Variants in B3GALT1 observed in about 807,000 individuals in gnomAD.
B3GALT1 encodes beta-1,3-galactosyltransferase 1, also known as UDP-Gal:betaGlcNAc beta 1,3-galactosyltransferase, polypeptide 1.
A neutral mutation model predicts 23.2 loss-of-function variants in B3GALT1; 10 were observed. That is an observed-to-expected ratio of 0.43 (90% CI 0.27 to 0.73). The LOEUF is 0.73. B3GALT1 is among the 30% of genes least tolerant of loss of function. B3GALT1 has a pLI of 0.21. For synonymous variants in B3GALT1, 156 were observed against 141.5 expected (o/e 1.10, Z -0.73); for missense variants, 299 against 405.4 (o/e 0.74, Z 2.25).
intron 2 of B3GALT1, among the ~76,000 whole-genome samples, chr2:167,508,871 A>G (rs1363294922): frequency 6.6e-6 from 1 of 152,226 alleles, no homozygotes; most frequent in African/African-American, 2.4e-5. Context: ...AAGGTACATG[A>G]CAAATTGAAG....
intron 2 of B3GALT1, among the ~76,000 whole-genome samples, chr2:167,606,978 G>A (rs540670417): frequency 1.1e-4 from 17 of 152,156 alleles, no homozygotes; most frequent in Non-Finnish European, 2.5e-4. Flanking sequence ...TGAAGGCATG[G>A]AGGTGGAGCA....
At chr2:167,521,361 A>G (rs1308482898) in intron 2 of B3GALT1, among the ~76,000 whole-genome samples, 1 of 152,158 alleles carries the variant, frequency 6.6e-6, no homozygotes, top group African/African-American at 2.4e-5. Context: ...TCCCTTTTAC[A>G]GGCAAAACTG....
At chr2:167,314,146 A>G (rs143543223) in intron 1 of B3GALT1, among the ~76,000 whole-genome samples, 6 of 152,248 alleles carry the variant, frequency 3.9e-5, no homozygotes, top group African/African-American at 1.4e-4. Flanking sequence ...ACTCATGTAT[A>G]TATAAATGCT....
intron 2 of B3GALT1, among the ~76,000 whole-genome samples, chr2:167,623,556 A>G (rs1685296208): frequency 6.6e-6 from 1 of 152,026 alleles, no homozygotes; most frequent in Admixed American, 6.6e-5. Flanking sequence ...GAACAATGAG[A>G]ACACATGGGC....
chr2:167,510,412 T>G (rs73972281), intron 2 of B3GALT1, among the ~76,000 whole-genome samples: 19,774 of 145,500 alleles, frequency 0.14, 1,422 homozygotes, highest in East Asian at 0.34. Context: ...GTTTTGTTTT[T>G]TTTTTTTTTT....
At chr2:167,703,480 G>C (rs1686912595) in intron 3 of B3GALT1, among the ~76,000 whole-genome samples, 1 of 130,916 alleles carries the variant, frequency 7.6e-6, no homozygotes, top group South Asian at 2.8e-4. Flanking sequence ...CTCTTTAACA[G>C]TTGGTACTGA....
intron 2 of B3GALT1, among the ~76,000 whole-genome samples, chr2:167,494,699 C>T (rs145964086): frequency 2.0e-5 from 3 of 152,142 alleles, no homozygotes; most frequent in South Asian, 2.1e-4. Flanking sequence ...TTTAGTCATA[C>T]GTTTTTAATT....
chr2:167,330,359 C>T (rs1696954300), intron 1 of B3GALT1, among the ~76,000 whole-genome samples: 1 of 152,138 alleles, frequency 6.6e-6, no homozygotes, highest in South Asian at 2.1e-4. Context: ...TTAATCTCAA[C>T]ACTTTGGGAG....
intron 1 of B3GALT1, among the ~76,000 whole-genome samples, chr2:167,406,665 A>G (rs2105292365): frequency 6.6e-6 from 1 of 152,302 alleles, no homozygotes; most frequent in South Asian, 2.1e-4. Context: ...GAAGGAAGAA[A>G]TATCCCTGCG....
intron 2 of B3GALT1, among the ~76,000 whole-genome samples, chr2:167,588,749 T>C (rs867211356): frequency 6.6e-6 from 1 of 151,980 alleles, no homozygotes; most frequent in African/African-American, 2.4e-5. Flanking sequence ...AAGGTCTCTG[T>C]CTATATACGT....
intron 1 of B3GALT1, among the ~76,000 whole-genome samples, chr2:167,355,740 C>A (rs1697390571): frequency 6.6e-6 from 1 of 151,904 alleles, no homozygotes; most frequent in Non-Finnish European, 1.5e-5. Context: ...TTTTTTTAGA[C>A]TGACAAATTT....
intron 3 of B3GALT1, among the ~76,000 whole-genome samples, chr2:167,706,010 A>G (rs749422160): frequency 5.9e-5 from 9 of 152,202 alleles, no homozygotes; most frequent in Admixed American, 2.0e-4. Context: ...TCTAAAATCA[A>G]GAGCCTGAAG....
At chr2:167,439,269 T>C (rs1031578114) in intron 1 of B3GALT1, among the ~76,000 whole-genome samples, 1 of 152,236 alleles carries the variant, frequency 6.6e-6, no homozygotes, top group Non-Finnish European at 1.5e-5. Flanking sequence ...TTATGTTGTC[T>C]GATTCATAAA....
chr2:167,633,173 G>A (rs1391859223), intron 2 of B3GALT1, among the ~76,000 whole-genome samples: 2 of 151,852 alleles, frequency 1.3e-5, no homozygotes, highest in Non-Finnish European at 2.9e-5. Flanking sequence ...TTCAAATTCA[G>A]AAAATACAGA....
intron 2 of B3GALT1, among the ~76,000 whole-genome samples, chr2:167,547,205 A>T (rs114886289): frequency 6.6e-6 from 1 of 152,300 alleles, no homozygotes; most frequent in African/African-American, 2.4e-5. Context: ...GAGAGCAGCC[A>T]CATGTTTCAA....
chr2:167,561,240 T>C (rs1241926729), intron 2 of B3GALT1, among the ~76,000 whole-genome samples: 5 of 152,172 alleles, frequency 3.3e-5, no homozygotes, highest in African/African-American at 1.2e-4. Flanking sequence ...GACATAAAGA[T>C]GTTCTTTATG....
intron 4 of B3GALT1, among the ~76,000 whole-genome samples, chr2:167,832,095 G>A (rs1195573575): frequency 2.6e-5 from 4 of 152,170 alleles, no homozygotes; most frequent in African/African-American, 4.8e-5. Context: ...CACCATGGAA[G>A]GAAGGCTGAC....
intron 2 of B3GALT1, among the ~76,000 whole-genome samples, chr2:167,635,478 A>C (rs2105450855): frequency 6.6e-6 from 1 of 152,324 alleles, no homozygotes; most frequent in South Asian, 2.1e-4. Flanking sequence ...AATCTCCTTA[A>C]GCTGATAAGC....
chr2:167,427,463 C>A (rs949606252), intron 1 of B3GALT1, among the ~76,000 whole-genome samples: 3 of 152,160 alleles, frequency 2.0e-5, no homozygotes, highest in African/African-American at 7.2e-5. Flanking sequence ...GACCATAGCT[C>A]CTTCAAAGTT....
Sources: allele counts gnomAD v4.1 joint callset (sites outside exome capture counted in the v4.1 genomes callset), GRCh38; gene constraint gnomAD v4.1.1; transcripts MANE v1.5; gene names NCBI Gene and HGNC (gene_info 2026-07-23, HGNC 2026-07-21).